LHFPL2: variants seen among roughly 807,000 people sequenced by gnomAD.
The protein encoded by LHFPL2 is LHFPL tetraspan subfamily member 2 protein.
In LHFPL2, 7 loss-of-function variants were observed where a neutral mutation model predicts 17.5. The observed-to-expected ratio is 0.40, with a 90% CI of 0.23 to 0.75. LHFPL2 has a LOEUF of 0.75. Among genes scored for constraint, LHFPL2 ranks in the 30% least tolerant of loss-of-function variants. The pLI is 0.37. For synonymous variants in LHFPL2, 134 were observed against 116.2 expected, an observed-to-expected ratio of 1.15 and a Z score of -0.99; for missense variants, 241 against 294.8, an observed-to-expected ratio of 0.82 and a Z score of 1.34.
At chr5:78,494,636 TCA>T (rs1754548413) in intron 4 of LHFPL2, 3 of 405,610 alleles carry the variant, frequency 7.4e-6, no homozygotes, top group Non-Finnish European at 1.0e-5. Flanking sequence ...TCACCGATGG[TCA>T]TGGTATTGTA....
At chr5:78,588,729 C>T (rs188551249) in intron 2 of LHFPL2, among the ~76,000 whole-genome samples, 8 of 152,264 alleles carry the variant, frequency 5.3e-5, no homozygotes, top group Admixed American at 2.6e-4. Flanking sequence ...TCAATTTTCT[C>T]ATCTGCAAAG....
intron 2 of LHFPL2, among the ~76,000 whole-genome samples, chr5:78,582,057 G>C (rs1416224961): frequency 7.9e-5 from 12 of 152,214 alleles, no homozygotes; most frequent in Admixed American, 7.9e-4. Flanking sequence ...ATTACTTCTA[G>C]ATTTTCTGGT....
intron 1 of LHFPL2, among the ~76,000 whole-genome samples, chr5:78,647,681 C>T (rs948852875): frequency 6.6e-6 from 1 of 152,150 alleles, no homozygotes; most frequent in Non-Finnish European, 1.5e-5. Context: ...TTTGTCTTTA[C>T]TCTGGTGTTG....
chr5:78,521,448 T>C lies in LHFPL2; in HGVS notation c.-185-11050A>G, dbSNP rs970174529. On this transcript the variant is annotated intron_variant, in intron 3 of 4. Transcript: ENST00000380345. The stretch of plus-strand genomic sequence containing the variant: ...TACTCCAACCCAATAGTCTGGTGAT[T>C]AAGCTACTGAGATGACATTAATTTA... 2.0e-5 allele frequency among the ~76,000 whole-genome samples: 3 copies of C among 152,278 alleles called. No homozygotes were observed. The South Asian group carries it at 6.2e-4, about 31-fold the overall frequency.
intron 1 of LHFPL2, among the ~76,000 whole-genome samples, chr5:78,641,083 G>A (rs567784190): frequency 2.0e-4 from 30 of 152,322 alleles, no homozygotes; most frequent in African/African-American, 6.3e-4. Context: ...ATGTTTCAGA[G>A]GAAGGGTGTG....
chr5:78,636,104 G>C (rs1745440657), intron 1 of LHFPL2, among the ~76,000 whole-genome samples: 1 of 152,148 alleles, frequency 6.6e-6, no homozygotes, highest in Non-Finnish European at 1.5e-5. Flanking sequence ...TGAGCTGCCT[G>C]GACACCTGGT....
At chr5:78,592,760 C>G (rs1400345671) in intron 2 of LHFPL2, among the ~76,000 whole-genome samples, 1 of 142,530 alleles carries the variant, frequency 7.0e-6, no homozygotes, top group Non-Finnish European at 1.5e-5. Flanking sequence ...ACACATTACT[C>G]TTCAACTTAG....
At chr5:78,596,004 A>C (rs1674250425) in intron 2 of LHFPL2, among the ~76,000 whole-genome samples, 1 of 152,242 alleles carries the variant, frequency 6.6e-6, no homozygotes, top group Admixed American at 6.5e-5. Context: ...TTGTGGATTT[A>C]AGTTAAATTT....
Position 78,485,724 on chromosome 5 carries a change from T to C in LHFPL2, c.*3173A>G, listed in dbSNP as rs1364444530. The C allele has an allele frequency of 6.6e-6, 1 of 152,662 alleles. No homozygotes were observed. The highest frequency in any genetic ancestry group is 1.5e-5 in the Non-Finnish European group (1 of 68,050). The allele number at this position is 152,662 out of a possible 1,614,324, so 9.5% of individuals were successfully genotyped here. Reference sequence around the variant, plus strand: ...TTAAGAAATAGCTCCTCAGTGATTATGTACCAGCTACTAGTTATCCTACTA... The same window carrying C: ...TTAAGAAATAGCTCCTCAGTGATTACGTACCAGCTACTAGTTATCCTACTA... On this transcript the variant is annotated 3_prime_UTR_variant, in exon 5 of 5. Transcript: ENST00000380345.
chr5:78,495,129 G>C (rs971075447), intron 4 of LHFPL2, among the ~76,000 whole-genome samples: 1 of 152,212 alleles, frequency 6.6e-6, no homozygotes, highest in Non-Finnish European at 1.5e-5. Flanking sequence ...AGATGTTGCT[G>C]CATACAGTGA....
intron 2 of LHFPL2, among the ~76,000 whole-genome samples, chr5:78,589,049 A>G (rs1322743390): frequency 6.6e-6 from 1 of 152,212 alleles, no homozygotes; most frequent in African/African-American, 2.4e-5. Flanking sequence ...AAGTTCAGAA[A>G]GGTCAAGTGG....
intron 3 of LHFPL2, among the ~76,000 whole-genome samples, chr5:78,520,289 C>T (rs1289913340): frequency 2.0e-5 from 3 of 152,176 alleles, no homozygotes; most frequent in Non-Finnish European, 2.9e-5. Context: ...AAAAGACCCA[C>T]TAGGCAGGCA....
chr5:78,629,464 A>G (rs777262021), intron 2 of LHFPL2, among the ~76,000 whole-genome samples: 4 of 152,236 alleles, frequency 2.6e-5, no homozygotes, highest in Non-Finnish European at 5.9e-5. Flanking sequence ...AATGGAATAG[A>G]GCAAACTCTT....
At chr5:78,571,737 T>C (rs1757005226) in intron 2 of LHFPL2, among the ~76,000 whole-genome samples, 1 of 152,210 alleles carries the variant, frequency 6.6e-6, no homozygotes, top group Admixed American at 6.5e-5. Flanking sequence ...CACCCCTCTG[T>C]GCCTCCAGCA....
At chr5:78,542,686 T>C (rs1405627044) in intron 3 of LHFPL2, among the ~76,000 whole-genome samples, 3 of 152,158 alleles carry the variant, frequency 2.0e-5, no homozygotes, top group Non-Finnish European at 4.4e-5. Flanking sequence ...CTTCTCCCAC[T>C]GAAAGGGGTC....
intron 4 of LHFPL2, among the ~76,000 whole-genome samples, chr5:78,504,133 G>A (rs1024413586): frequency 6.6e-6 from 1 of 152,154 alleles, no homozygotes; most frequent in Non-Finnish European, 1.5e-5. Flanking sequence ...ACTTCTGGTG[G>A]AGCATCATCT....
chr5:78,628,651 C>T (rs553389387), intron 2 of LHFPL2, among the ~76,000 whole-genome samples: 8 of 152,366 alleles, frequency 5.3e-5, no homozygotes, highest in Admixed American at 6.5e-5. Flanking sequence ...CCACTCAAAC[C>T]AGCACCTTGG....
intron 2 of LHFPL2, among the ~76,000 whole-genome samples, chr5:78,631,169 C>T (rs1745231046): frequency 2.0e-5 from 3 of 152,214 alleles, no homozygotes; most frequent in Admixed American, 1.3e-4. Flanking sequence ...TTTTAATCTC[C>T]TTCAGGTTGC....
intron 4 of LHFPL2, among the ~76,000 whole-genome samples, chr5:78,497,996 G>C (rs1754658688): frequency 6.6e-6 from 1 of 152,224 alleles, no homozygotes; most frequent in Admixed American, 6.5e-5. Flanking sequence ...TGACCTGTGA[G>C]AGCTGGCCAG....
Sources: gnomAD v4.1 joint callset for allele counts (sites outside exome capture counted in the v4.1 genomes callset) on GRCh38, gnomAD v4.1.1 for gene constraint, MANE v1.5 for transcripts, NCBI Gene and HGNC (gene_info 2026-07-23, HGNC 2026-07-21) for gene names.